Variants in GPHN observed in about 807,000 individuals in gnomAD.
GPHN encodes the protein gephyrin.
Under a neutral mutation model 95.5 loss-of-function variants are expected in GPHN, and 17 were observed. The observed-to-expected ratio is 0.18, with a 90% CI of 0.12 to 0.27. The LOEUF (loss-of-function observed/expected upper bound fraction) is 0.27, where lower values mean the gene tolerates loss of function less well. GPHN is among the 10% of genes least tolerant of loss of function. The pLI is 1.00. For missense variants in GPHN, 660 were observed against 978.1 expected, an observed-to-expected ratio of 0.67 and a Z score of 4.34; for synonymous variants, 320 against 322.5, an observed-to-expected ratio of 0.99 and a Z score of 0.08.
chr14:66,960,785 G>A (rs1490425811), intron 8 of GPHN, among the ~76,000 whole-genome samples: 1 of 152,048 alleles, frequency 6.6e-6, no homozygotes, highest in Non-Finnish European at 1.5e-5. Context: ...TCTTTTCTGA[G>A]GGTGTGCCCA....
chr14:66,793,462 C>T (rs1056629536), intron 3 of GPHN, among the ~76,000 whole-genome samples: 5 of 151,992 alleles, frequency 3.3e-5, no homozygotes, highest in African/African-American at 1.2e-4. Flanking sequence ...TATAATAAGC[C>T]ATATAAATAT....
chr14:66,694,416 G>C (rs1236935563), intron 2 of GPHN, among the ~76,000 whole-genome samples: 1 of 152,128 alleles, frequency 6.6e-6, no homozygotes, highest in Non-Finnish European at 1.5e-5. Context: ...ATAGACTTAA[G>C]ACAATGTTCA....
At chr14:66,898,111 C>T (rs1596313305) in intron 5 of GPHN, among the ~76,000 whole-genome samples, 1 of 151,912 alleles carries the variant, frequency 6.6e-6, no homozygotes, top group African/African-American at 2.4e-5. Flanking sequence ...ACCTGTCCTT[C>T]GTCAGATATG....
chr14:67,415,565 A>G, the GPHN span, among the ~76,000 whole-genome samples: 1 of 152,364 alleles, frequency 6.6e-6, no homozygotes, highest in Middle Eastern at 3.4e-3. Context: ...AATGTATCAC[A>G]TGCTATCCTC....
chr14:67,614,891 A>G, the GPHN span: 1 of 149,654 alleles, frequency 6.7e-6, no homozygotes, highest in Non-Finnish European at 1.5e-5. Flanking sequence ...GAAATACTGT[A>G]TAAATGAGCA....
At chr14:67,492,626 A>G in the GPHN span, among the ~76,000 whole-genome samples, 2 of 152,350 alleles carry the variant, frequency 1.3e-5, no homozygotes, top group East Asian at 3.9e-4. Flanking sequence ...GAAGCCCAGC[A>G]GGGCTTTCAG....
chr14:67,378,705 G>T, the GPHN span, among the ~76,000 whole-genome samples: 1 of 152,142 alleles, frequency 6.6e-6, no homozygotes, highest in East Asian at 1.9e-4. Flanking sequence ...AAACCTTGGC[G>T]TGTGTTATTC....
Position 67,022,568 on chromosome 14 carries a change from G to GTT in GPHN, c.964-1065_964-1064insTT, listed in dbSNP as rs1555466198. 1.4e-4 allele frequency among the ~76,000 whole-genome samples: 3 copies of GTT among 20,880 alleles called. No individual in the cohort carries two copies. The Admixed American group carries it at 1.9e-3, about 14-fold the overall frequency. 13.7% of individuals were successfully genotyped at this position (20,880 alleles called of 152,430 possible). A position where few individuals can be genotyped will look rare whatever the true frequency, so the allele number is the denominator to read the frequency against. ...TTTTTTTTTTTTTTTTTTTTTTTTT[G>GTT]GTGTGTGTGTGTGTGTGTGTGTGTG... On this transcript the variant is annotated intron_variant, in intron 9 of 22. Coordinates refer to ENST00000478722, the MANE Select transcript of GPHN (RefSeq NM_020806.5).
chr14:67,390,397 A>G, the GPHN span, among the ~76,000 whole-genome samples: 2 of 152,190 alleles, frequency 1.3e-5, no homozygotes, highest in Non-Finnish European at 2.9e-5. Context: ...GAAGACCAAA[A>G]GATGCTTTTC....
At chr14:67,256,424 AAAG>A in the GPHN span, among the ~76,000 whole-genome samples, 1 of 152,364 alleles carries the variant, frequency 6.6e-6, no homozygotes, top group Non-Finnish European at 1.5e-5. Flanking sequence ...AAACAAGTGA[AAAG>A]AAACCATGAA....
chr14:67,025,666 A>C (rs754545828), intron 10 of GPHN, among the ~76,000 whole-genome samples: 5 of 152,232 alleles, frequency 3.3e-5, no homozygotes, highest in Admixed American at 6.5e-5. Context: ...TTCCTTGGCC[A>C]AGGCAAAATA....
chr14:66,519,993 C>G (rs1337796935), intron 1 of GPHN, among the ~76,000 whole-genome samples: 1 of 152,062 alleles, frequency 6.6e-6, no homozygotes, highest in African/African-American at 2.4e-5. Flanking sequence ...AAGCTCTTAA[C>G]TACTACATGA....
At chr14:66,733,201 T>C (rs904852575) in intron 2 of GPHN, among the ~76,000 whole-genome samples, 9 of 151,884 alleles carry the variant, frequency 5.9e-5, no homozygotes, top group Non-Finnish European at 4.4e-5. Context: ...GTGCTAGGTC[T>C]CTCTTGCTTG....
chr14:66,902,408 A>G (rs552568887), intron 5 of GPHN, among the ~76,000 whole-genome samples: 1 of 152,042 alleles, frequency 6.6e-6, no homozygotes, highest in Admixed American at 6.6e-5. Context: ...CATTTTGAAA[A>G]AAAGTAGTGA....
chr14:66,943,780 C>T (rs2153574508), intron 8 of GPHN, among the ~76,000 whole-genome samples: 2 of 152,198 alleles, frequency 1.3e-5, no homozygotes, highest in Middle Eastern at 3.4e-3. Context: ...CAAAAGAAAA[C>T]CCAGTCACCA....
At chr14:67,371,667 A>G in the GPHN span, among the ~76,000 whole-genome samples, 1 of 152,320 alleles carries the variant, frequency 6.6e-6, no homozygotes, top group East Asian at 1.9e-4. Flanking sequence ...ATATTTGTGT[A>G]CCTAAACACA....
chr14:67,337,937 T>C, the GPHN span: 1 of 152,210 alleles, frequency 6.6e-6, no homozygotes, highest in East Asian at 1.9e-4. Context: ...TAAGCCTTTT[T>C]GTAAAACTCT....
intron 18 of GPHN, among the ~76,000 whole-genome samples, chr14:67,147,482 T>G (rs1174995173): frequency 4.0e-5 from 6 of 151,602 alleles, no homozygotes; most frequent in Non-Finnish European, 8.8e-5. Context: ...GAGATACATA[T>G]GTAAGTATTT....
In GPHN at chr14:66,567,884, T is replaced by G. The variant is rs183697719; in HGVS notation, c.64+59293T>G. On this transcript the variant is annotated intron_variant, in intron 1 of 22. Coordinates refer to ENST00000478722, the MANE Select transcript of GPHN (RefSeq NM_020806.5). ...GTGCTGCAAGATCTATAAAAAAATA[T>G]AAGATGTATTCCCTGCCATTAACGA... Among the ~76,000 whole-genome samples, 3 of 152,292 alleles carry G rather than the reference T, an allele frequency of 2.0e-5. No homozygotes were observed. In the East Asian group the frequency reaches 5.8e-4, roughly 29 times the overall value.
Sources: gnomAD v4.1 joint callset for allele counts (sites outside exome capture counted in the v4.1 genomes callset) on GRCh38, gnomAD v4.1.1 for gene constraint, MANE v1.5 for transcripts, NCBI Gene and HGNC (gene_info 2026-07-23, HGNC 2026-07-21) for gene names.